The following CYFIP2 variants were observed in gnomAD, a reference collection of about 807,000 sequenced individuals.
CYFIP2 encodes the protein cytoplasmic FMR1-interacting protein 2.
CYFIP2 carries 29 observed loss-of-function variants against 158.7 expected under a neutral mutation model. That is an observed-to-expected ratio of 0.18 (90% CI 0.14 to 0.25). The LOEUF is 0.25. CYFIP2 is among the 10% of genes least tolerant of loss of function. The pLI, the probability that CYFIP2 is intolerant of heterozygous loss-of-function variation, is 1.00. For missense variants in CYFIP2, 852 were observed against 1,639.5 expected (o/e 0.52, Z 8.29); for synonymous variants, 585 against 617.6 (o/e 0.95, Z 0.78).
intron 21 of CYFIP2, among the ~76,000 whole-genome samples, chr5:157,335,805 G>T (rs1362636579): frequency 6.6e-6 from 1 of 151,992 alleles, no homozygotes; most frequent in East Asian, 1.9e-4. Flanking sequence ...CAAGTGGCGG[G>T]ATTTTTTTTT....
chr5:157,325,674 G>C (rs1760965122), intron 17 of CYFIP2, 36 bp downstream of exon 17: 1 of 1,560,236 alleles, frequency 6.4e-7, no homozygotes, highest in Non-Finnish European at 8.7e-7. Flanking sequence ...GTGGCTCCTG[G>C]GGTACAAGTA....
At chr5:157,284,041 T>C (rs1171037417) in intron 1 of CYFIP2, among the ~76,000 whole-genome samples, 2 of 152,178 alleles carry the variant, frequency 1.3e-5, no homozygotes, top group Non-Finnish European at 2.9e-5. Context: ...TGTTTAGGGT[T>C]GGCTTTATTA....
At position 157,324,066 on chromosome 5, in the gene CYFIP2, A is replaced by G. The variant is rs1760817272; in HGVS notation, c.1817A>G (p.Asn606Ser). 1 of 1,612,386 alleles carries G rather than the reference A, an allele frequency of 6.2e-7. No individual in the cohort carries two copies. Among genetic ancestry groups the G allele is most frequent in the Non-Finnish European group, 8.5e-7 (1 of 1,179,170 alleles). The change falls in exon 16 of 31, where the codon AAC becomes AGC. Residue 606 changes from asparagine to serine, a missense_variant. Asn to Ser is a conservative substitution (Grantham distance 46, BLOSUM62 1). This residue lies in a region of CYFIP2 where 167 missense variants were observed against 343.3 expected (regional missense o/e 0.49). Transcript: ENST00000620254. ...KQSFFFTHLL[N>S]ISEALQQCCD... ...TCCTTCTTCTTCACACATCTGCTCA[A>G]CATCAGTGGTGAGCTGCATCCCATC...
intron 23 of CYFIP2, among the ~76,000 whole-genome samples, chr5:157,356,227 C>G (rs1763398088): frequency 6.6e-6 from 1 of 152,096 alleles, no homozygotes; most frequent in South Asian, 2.1e-4. Flanking sequence ...CAGATGGCCC[C>G]TCTCCTCACT....
chr5:157,392,055 A>G (rs938933532), intron 30 of CYFIP2, among the ~76,000 whole-genome samples: 6 of 152,148 alleles, frequency 3.9e-5, no homozygotes, highest in African/African-American at 1.4e-4. Context: ...GGCCATTTGT[A>G]TATCTTCTTT....
chr5:157,324,605 A>G (rs1026309562), intron 16 of CYFIP2, among the ~76,000 whole-genome samples: 1 of 152,192 alleles, frequency 6.6e-6, no homozygotes, highest in Non-Finnish European at 1.5e-5. Context: ...CTTCTCCATT[A>G]GAGAGTAGCC....
chr5:157,275,451 G>A (rs1756467721), intron 1 of CYFIP2, among the ~76,000 whole-genome samples: 1 of 152,160 alleles, frequency 6.6e-6, no homozygotes, highest in Admixed American at 6.5e-5. Context: ...CCATAAATGT[G>A]AGGATTTATT....
intron 26 of CYFIP2, chr5:157,364,133 T>G (rs1764117277): frequency 7.4e-6 from 1 of 135,698 alleles, no homozygotes; most frequent in Non-Finnish European, 1.5e-5. Context: ...CCCTCAGAAG[T>G]CGTAGGGATA....
Position 157,392,703 on chromosome 5 carries a change from A to G in CYFIP2, c.3595-130A>G, listed in dbSNP as rs993494400. On this transcript the variant is annotated intron_variant, in intron 30 of 30. Transcript: ENST00000620254. ...GATTGCCAGATCCAGGGGATTCCAT[A>G]AAAGGACTTTAAGAAAGTGACATGA... 1.6e-5 allele frequency: 17 copies of G among 1,045,718 alleles called. No homozygotes were observed. The South Asian group carries it at 2.3e-4, about 14-fold the overall frequency. 64.8% of individuals were successfully genotyped at this position (1,045,718 alleles called of 1,614,324 possible). A position where few individuals can be genotyped will look rare whatever the true frequency, so the allele number is the denominator to read the frequency against.
At chr5:157,285,835 C>G (rs908814482) in intron 2 of CYFIP2, among the ~76,000 whole-genome samples, 2 of 152,200 alleles carry the variant, frequency 1.3e-5, no homozygotes, top group Non-Finnish European at 2.9e-5. Flanking sequence ...ACTTTTCCTT[C>G]ATGCATGTGA....
At position 157,325,652 on chromosome 5, in the gene CYFIP2, T is replaced by A. The variant is rs771414327; in HGVS notation, c.1982+14T>A. The A allele has an allele frequency of 6.3e-7, 1 of 1,585,480 alleles. No individual in the cohort carries two copies. The highest frequency in any genetic ancestry group is 8.6e-7 in the Non-Finnish European group (1 of 1,163,878). ...TTCCATGATGGAGTAAGAGGCAGGA[T>A]TGGGCCAGCAAGTGGCTCCTGGGGT... is the stretch of plus-strand genomic sequence containing the variant. On this transcript the variant is annotated intron_variant, in intron 17 of 30. Coordinates refer to ENST00000620254, the MANE Select transcript of CYFIP2 (RefSeq NM_001037333.3).
chr5:157,338,053 G>A (rs1390232743), intron 21 of CYFIP2, among the ~76,000 whole-genome samples: 1 of 152,230 alleles, frequency 6.6e-6, no homozygotes, highest in African/African-American at 2.4e-5. Flanking sequence ...GGCCTAAGGT[G>A]CTTTCTGTCT....
intron 29 of CYFIP2, among the ~76,000 whole-genome samples, chr5:157,390,181 T>C (rs1767132224): frequency 6.6e-6 from 1 of 152,144 alleles, no homozygotes; most frequent in Admixed American, 6.5e-5. Context: ...CAAGACAGAT[T>C]CTCCTTTGAC....
At chr5:157,278,041 C>T (rs1756701681) in intron 1 of CYFIP2, among the ~76,000 whole-genome samples, 1 of 152,120 alleles carries the variant, frequency 6.6e-6, no homozygotes, top group South Asian at 2.1e-4. Context: ...CTTATGGGAA[C>T]ACCATCATAT....
At chr5:157,270,494 A>C (rs898834249) in intron 1 of CYFIP2, among the ~76,000 whole-genome samples, 1 of 152,256 alleles carries the variant, frequency 6.6e-6, no homozygotes, top group Non-Finnish European at 1.5e-5. Flanking sequence ...CCCTCAGAGA[A>C]GACATGCAGT....
intron 21 of CYFIP2, among the ~76,000 whole-genome samples, chr5:157,337,343 C>G (rs185006944): frequency 6.6e-6 from 1 of 152,300 alleles, no homozygotes; most frequent in Non-Finnish European, 1.5e-5. Flanking sequence ...GATTTGCCAT[C>G]ACTAATCCCC....
intron 21 of CYFIP2, among the ~76,000 whole-genome samples, chr5:157,335,263 T>G (rs190823467): frequency 1.4e-4 from 21 of 152,250 alleles, no homozygotes; most frequent in Admixed American, 1.1e-3. Flanking sequence ...CTACCTGTTT[T>G]TTTGTTTGTT....
intron 1 of CYFIP2, among the ~76,000 whole-genome samples, chr5:157,270,086 C>T (rs537619377): frequency 6.4e-4 from 97 of 152,312 alleles, no homozygotes; most frequent in African/African-American, 2.0e-3. Flanking sequence ...TTTTGATAGA[C>T]TTTGGGCAAC....
intron 30 of CYFIP2, among the ~76,000 whole-genome samples, chr5:157,392,381 A>G (rs1387194495): frequency 6.6e-6 from 1 of 152,150 alleles, no homozygotes; most frequent in African/African-American, 2.4e-5. Context: ...TCTCTAATCC[A>G]TTCTGAGTTA....
Sources: gnomAD v4.1 joint callset for allele counts (sites outside exome capture counted in the v4.1 genomes callset) on GRCh38, gnomAD v4.1.1 for gene constraint, gnomAD v4.1.1 regional missense constraint, MANE v1.5 for transcripts, NCBI Gene and HGNC (gene_info 2026-07-23, HGNC 2026-07-21) for gene names.